The following TAFA2 variants were observed in gnomAD, a reference collection of about 807,000 sequenced individuals.
The protein encoded by TAFA2 is chemokine-like protein TAFA-2.
A neutral mutation model predicts 18.8 loss-of-function variants in TAFA2; 7 were observed. That is an observed-to-expected ratio of 0.37 (90% CI 0.21 to 0.70). The LOEUF is 0.70. Ranked by LOEUF, TAFA2 falls within the 30% of genes least tolerant of loss-of-function variation. The probability of loss-of-function intolerance (pLI) is 0.53; values close to 1 mark genes in which losing one functional copy is unlikely to be tolerated. For missense variants in TAFA2, 122 were observed against 158.1 expected, an observed-to-expected ratio of 0.77 and a Z score of 1.23; for synonymous variants, 60 against 54.2, an observed-to-expected ratio of 1.11 and a Z score of -0.47.
chr12:61,742,032 C>T (rs1046212238), intron 4 of TAFA2, among the ~76,000 whole-genome samples: 4 of 152,008 alleles, frequency 2.6e-5, no homozygotes, highest in African/African-American at 9.7e-5. Context: ...GAGGCCGGGA[C>T]TGCAAGCATG....
At chr12:62,009,036 A>G (rs1054036197) in intron 1 of TAFA2, among the ~76,000 whole-genome samples, 4 of 152,200 alleles carry the variant, frequency 2.6e-5, no homozygotes, top group African/African-American at 9.6e-5. Flanking sequence ...ATGTACACAC[A>G]TTACAGGAGG....
rs558662800 is a variant in TAFA2 at position 61,757,980 on chromosome 12, T to C, written c.107-2956A>G. ...CATGGGCAGCTGAGTTTTTCTCATG[T>C]CTAAAAGAGGGATATTAATAGCACA... On this transcript the variant is annotated intron_variant, in intron 2 of 4. Coordinates refer to ENST00000416284, the MANE Select transcript of TAFA2 (RefSeq NM_178539.5). Among the ~76,000 whole-genome samples, 10 of 152,150 alleles carry C rather than the reference T, an allele frequency of 6.6e-5. No homozygotes were observed. In the East Asian group the frequency reaches 1.9e-3, roughly 30 times the overall value.
At chr12:61,779,407 CA>C (rs1271789411) in intron 2 of TAFA2, among the ~76,000 whole-genome samples, 1 of 151,768 alleles carries the variant, frequency 6.6e-6, no homozygotes, top group African/African-American at 2.4e-5. Context: ...TCTTCCAAAT[CA>C]AAACCCATTT....
intron 1 of TAFA2, among the ~76,000 whole-genome samples, chr12:61,994,386 G>T (rs781040805): frequency 1.7e-4 from 26 of 152,022 alleles, no homozygotes; most frequent in Non-Finnish European, 3.2e-4. Flanking sequence ...TCCTCCTGTT[G>T]CCTTTTCAAG....
chr12:62,074,642 G>T (rs937630088), intron 1 of TAFA2, among the ~76,000 whole-genome samples: 4 of 151,602 alleles, frequency 2.6e-5, no homozygotes, highest in Non-Finnish European at 5.9e-5. Flanking sequence ...AGTAGAATGC[G>T]AGCTTATAAA....
rs555987505 is a variant in TAFA2, at chr12:61,935,614, T to A, written c.-1-68188A>T. ...AAATAATATGAAATTCTTCAGTATG[T>A]TTATCACATAGAATAGAAAAATAGT... On this transcript the variant is annotated intron_variant, in intron 1 of 4. Transcript: ENST00000416284. Among the ~76,000 whole-genome samples, 5 of 152,306 alleles carry A rather than the reference T, an allele frequency of 3.3e-5. No individual in the cohort carries two copies. The South Asian group carries it at 1.0e-3, about 32-fold the overall frequency.
At chr12:61,987,947 T>C (rs1388332909) in intron 1 of TAFA2, among the ~76,000 whole-genome samples, 1 of 152,210 alleles carries the variant, frequency 6.6e-6, no homozygotes, top group Non-Finnish European at 1.5e-5. Flanking sequence ...TCACATAAAA[T>C]AAATTGAAGA....
rs141150044 is a variant in TAFA2 at position 62,228,940 on chromosome 12, G to C, written c.-130+29823C>G. On this transcript the variant is annotated intron_variant, in intron 1 of 5. Transcript: ENST00000551619. ...CTTGTAGAGAACTTTCACTTCTCTGGTTACATTTACTCCTATGTATTATAT... is the reference window on the plus strand; with the variant it reads ...CTTGTAGAGAACTTTCACTTCTCTGCTTACATTTACTCCTATGTATTATAT... Among the ~76,000 whole-genome samples the C allele has an allele frequency of 1.8e-3, 276 of 152,094 alleles. 1 individual carries two copies. Among genetic ancestry groups the C allele is most frequent in the African/African-American group, 6.6e-3 (272 of 41,496 alleles).
At chr12:62,255,483 A>C (rs551833753) in intron 1 of TAFA2, among the ~76,000 whole-genome samples, 1 of 152,318 alleles carries the variant, frequency 6.6e-6, no homozygotes, top group South Asian at 2.1e-4. Context: ...GACCTGCAGA[A>C]TATACTATGC....
At chr12:62,222,140 C>A (rs555478511) in intron 1 of TAFA2, among the ~76,000 whole-genome samples, 2 of 151,892 alleles carry the variant, frequency 1.3e-5, no homozygotes, top group African/African-American at 2.4e-5. Context: ...TTGTAAGAAC[C>A]CTCACAGATG....
chr12:61,913,388 A>G (rs967793708), intron 1 of TAFA2, among the ~76,000 whole-genome samples: 4 of 152,222 alleles, frequency 2.6e-5, no homozygotes, highest in African/African-American at 9.6e-5. Flanking sequence ...GATATGTGTT[A>G]TGATACCCAA....
chr12:62,168,799 T>A (rs1307514359), intron 1 of TAFA2, among the ~76,000 whole-genome samples: 3 of 152,064 alleles, frequency 2.0e-5, no homozygotes, highest in Admixed American at 2.0e-4. Flanking sequence ...ATTGCACCAC[T>A]GCACTCCAGC....
In TAFA2 at chr12:61,710,428, A is replaced by G; in HGVS notation, c.385-11T>C. The G allele has an allele frequency of 6.2e-7, 1 of 1,600,732 alleles. No homozygotes were observed. ...GGGTTAATGGGTTACCTACAAAGGA[A>G]GGAGAAAATATAGTCAACATTTCAT... On this transcript the variant is annotated splice_polypyrimidine_tract_variant and intron_variant, in intron 4 of 4. Transcript: ENST00000416284.
At chr12:62,250,928 T>C (rs1592420556) in intron 1 of TAFA2, among the ~76,000 whole-genome samples, 1 of 136,248 alleles carries the variant, frequency 7.3e-6, no homozygotes, top group South Asian at 2.2e-4. Flanking sequence ...CCTGACCTAA[T>C]CCTCAGAGAG....
intron 1 of TAFA2, among the ~76,000 whole-genome samples, chr12:62,158,727 T>C (rs1433513972): frequency 6.6e-6 from 1 of 152,208 alleles, no homozygotes; most frequent in African/African-American, 2.4e-5. Flanking sequence ...AAAGCAAATG[T>C]CCATTCTCCC....
intron 1 of TAFA2, among the ~76,000 whole-genome samples, chr12:62,255,509 T>A (rs2062933986): frequency 6.6e-6 from 1 of 152,370 alleles, no homozygotes; most frequent in East Asian, 1.9e-4. Flanking sequence ...AAGGTTTTTT[T>A]ATTATAATTA....
intron 2 of TAFA2, among the ~76,000 whole-genome samples, chr12:61,814,198 A>G (rs539385405): frequency 2.8e-4 from 42 of 151,482 alleles, no homozygotes; most frequent in Non-Finnish European, 5.4e-4. Flanking sequence ...AAATTTGAAG[A>G]AGAGCATTTG....
chr12:62,060,172 C>T (rs866591891), intron 1 of TAFA2, among the ~76,000 whole-genome samples: 1 of 152,200 alleles, frequency 6.6e-6, no homozygotes, highest in Non-Finnish European at 1.5e-5. Flanking sequence ...GGGCTTTAGA[C>T]TTTGTCTCCT....
chr12:62,071,167 T>C (rs1022863830), intron 1 of TAFA2, among the ~76,000 whole-genome samples: 1 of 152,234 alleles, frequency 6.6e-6, no homozygotes, highest in East Asian at 1.9e-4. Flanking sequence ...AGGGTATAAG[T>C]GCTACAGAAA....
Sources: allele counts gnomAD v4.1 joint callset (sites outside exome capture counted in the v4.1 genomes callset), GRCh38; gene constraint gnomAD v4.1.1; transcripts MANE v1.5; gene names NCBI Gene and HGNC (gene_info 2026-07-23, HGNC 2026-07-21).